IQSEC3: variants seen among roughly 807,000 people sequenced by gnomAD.
IQSEC3 encodes IQ motif and Sec7 domain ArfGEF 3.
A neutral mutation model predicts 105.4 loss-of-function variants in IQSEC3; 50 were observed. The observed-to-expected ratio is 0.47, with a 90% CI of 0.38 to 0.60. The LOEUF is 0.60. Ranked by LOEUF, IQSEC3 falls within the 20% of genes least tolerant of loss-of-function variation. The pLI is 0.00. For missense variants in IQSEC3, 1,415 were observed against 1,630.0 expected (o/e 0.87, Z 2.27); for synonymous variants, 708 against 746.0 (o/e 0.95, Z 0.83).
In IQSEC3 at chr12:163,634, C is replaced by T; in HGVS notation, c.2709+15C>T. 1 of 1,373,098 alleles carries T rather than the reference C, an allele frequency of 7.3e-7. No individual in the cohort carries two copies. Among genetic ancestry groups the T allele is most frequent in the East Asian group, 2.3e-5 (1 of 43,666 alleles). 85.1% of individuals were successfully genotyped at this position (1,373,098 alleles called of 1,614,324 possible). A position where few individuals can be genotyped will look rare whatever the true frequency, so the allele number is the denominator to read the frequency against. On this transcript the variant is annotated intron_variant, in intron 9 of 13. Transcript: ENST00000538872. ...ACCTGCTGGTGGTGAGTGGCCTCCG[C>T]TCCGGGACTGGGCTGGGCTGGGGCT...
At chr12:84,389 C>T (rs1555071494) in intron 1 of IQSEC3, among the ~76,000 whole-genome samples, 1 of 152,236 alleles carries the variant, frequency 6.6e-6, no homozygotes, top group Non-Finnish European at 1.5e-5. Flanking sequence ...GTGGACAAAA[C>T]ATCCTTGTTC....
intron 8 of IQSEC3, 38 bp downstream of exon 8, chr12:162,103 CCTTT>C (rs1435296746): frequency 9.3e-6 from 15 of 1,605,058 alleles, no homozygotes; most frequent in African/African-American, 1.3e-5. Flanking sequence ...CGTCTCCTTT[CCTTT>C]CTTTCTTCCT....
chr12:162,385 C>T (rs577758939), intron 8 of IQSEC3, among the ~76,000 whole-genome samples: 1 of 152,224 alleles, frequency 6.6e-6, no homozygotes, highest in East Asian at 1.9e-4. Flanking sequence ...GCATGACTAC[C>T]AGGCATTCCT....
At chr12:78,426 G>T (rs1555069926) in intron 1 of IQSEC3, among the ~76,000 whole-genome samples, 2 of 151,772 alleles carry the variant, frequency 1.3e-5, no homozygotes, top group African/African-American at 4.8e-5. Flanking sequence ...AGGGGTCGGG[G>T]ATGAGGACGG....
Position 139,364 on chromosome 12 carries a change from C to G in IQSEC3, c.1991+10C>G, listed in dbSNP as rs1555088417. The G allele has an allele frequency of 6.5e-7, 1 of 1,530,554 alleles. No individual in the cohort carries two copies. Among genetic ancestry groups the G allele is most frequent in the Admixed American group, 2.0e-5 (1 of 49,678 alleles). The allele number at this position is 1,530,554 out of a possible 1,614,324, so 94.8% of individuals were successfully genotyped here. ...TCAACCTCTTCAACATGTAAGTCAG[C>G]CCCGGCCCCCAGCCCGGAGTCCTGG... On this transcript the variant is annotated intron_variant, in intron 4 of 13. Transcript: ENST00000538872.
intron 13 of IQSEC3, among the ~76,000 whole-genome samples, chr12:173,808 G>A (rs537856335): frequency 6.6e-6 from 1 of 152,324 alleles, no homozygotes; most frequent in African/African-American, 2.4e-5. Context: ...CTGGTAGCAA[G>A]GGGAGGCCAG....
At chr12:108,258 G>A (rs1864749523) in intron 2 of IQSEC3, among the ~76,000 whole-genome samples, 1 of 152,166 alleles carries the variant, frequency 6.6e-6, no homozygotes, top group African/African-American at 2.4e-5. Flanking sequence ...TATTTATTAG[G>A]CTCCACTTTG....
chr12:172,959 G>T (rs544536975), intron 13 of IQSEC3, among the ~76,000 whole-genome samples: 6 of 152,310 alleles, frequency 3.9e-5, no homozygotes, highest in African/African-American at 1.4e-4. Context: ...AAGAAGGACG[G>T]CTCAGTGGGT....
intron 2 of IQSEC3, 33 bp downstream of exon 2, chr12:99,247 C>T (rs782248110): frequency 6.3e-7 from 1 of 1,578,496 alleles, no homozygotes; most frequent in Non-Finnish European, 8.6e-7. Context: ...CCTTCCGCAT[C>T]CCCACCTTCC....
chr12:73,443 G>A (rs1863404610), intron 1 of IQSEC3, among the ~76,000 whole-genome samples: 1 of 152,260 alleles, frequency 6.6e-6, no homozygotes, highest in Non-Finnish European at 1.5e-5. Flanking sequence ...AAGAAACCAA[G>A]ATGGCAGATC....
At chr12:80,712 C>T (rs1863715286) in intron 1 of IQSEC3, among the ~76,000 whole-genome samples, 1 of 152,162 alleles carries the variant, frequency 6.6e-6, no homozygotes, top group Non-Finnish European at 1.5e-5. Context: ...CTAATGAAAA[C>T]TTATAGTGCA....
chr12:132,747 AACAGTG>A (rs1415623348), intron 3 of IQSEC3, among the ~76,000 whole-genome samples: 1 of 152,140 alleles, frequency 6.6e-6, no homozygotes, highest in Admixed American at 6.5e-5. Context: ...AGGTAGGGAA[AACAGTG>A]GCATAGCCTA....
chr12:81,917 T>C (rs886672521), intron 1 of IQSEC3, among the ~76,000 whole-genome samples: 1 of 152,086 alleles, frequency 6.6e-6, no homozygotes, highest in Non-Finnish European at 1.5e-5. Flanking sequence ...TGCTGAAACG[T>C]GGAGGATGCA....
intron 7 of IQSEC3, among the ~76,000 whole-genome samples, chr12:161,055 C>G (rs1156760348): frequency 6.6e-6 from 1 of 152,160 alleles, no homozygotes; most frequent in Non-Finnish European, 1.5e-5. Flanking sequence ...GCTCATTTGC[C>G]TGACTTCGAG....
chr12:125,999 G>A, intron 3 of IQSEC3, 87 bp downstream of exon 3: 3 of 1,323,630 alleles, frequency 2.3e-6, no homozygotes, highest in Non-Finnish European at 3.1e-6. Flanking sequence ...TATCCCCGCT[G>A]GGTCCCCTCC....
chr12:88,353 C>T (rs1196744110), intron 1 of IQSEC3, among the ~76,000 whole-genome samples: 5 of 152,112 alleles, frequency 3.3e-5, no homozygotes, highest in Non-Finnish European at 7.3e-5. Flanking sequence ...CTTTTATGAA[C>T]ATCTGAAAAA....
At chr12:162,322 G>C (rs1866929994) in intron 8 of IQSEC3, among the ~76,000 whole-genome samples, 1 of 152,100 alleles carries the variant, frequency 6.6e-6, no homozygotes, top group South Asian at 2.1e-4. Flanking sequence ...CAGTGGTCTA[G>C]GGTGGAAGCA....
chr12:115,216 C>T (rs1158378469), intron 2 of IQSEC3, among the ~76,000 whole-genome samples: 1 of 152,214 alleles, frequency 6.6e-6, no homozygotes, highest in Non-Finnish European at 1.5e-5. Flanking sequence ...TCCACAGGCA[C>T]CTGTAGGTCA....
chr12:141,653 G>GC (rs1466002359), intron 5 of IQSEC3: 3 of 230,552 alleles, frequency 1.3e-5, no homozygotes, highest in African/African-American at 4.5e-5. Context: ...GAGCCCCTCA[G>GC]CCCCCCTCCC....
Sources: gnomAD v4.1 joint callset for allele counts (sites outside exome capture counted in the v4.1 genomes callset) on GRCh38, gnomAD v4.1.1 for gene constraint, MANE v1.5 for transcripts, NCBI Gene and HGNC (gene_info 2026-07-23, HGNC 2026-07-21) for gene names.